The following LMLN variants were observed in gnomAD, a reference collection of about 807,000 sequenced individuals.
The protein encoded by LMLN is leishmanolysin like peptidase.
A neutral mutation model predicts 92.3 loss-of-function variants in LMLN; 70 were observed. That is an observed-to-expected ratio of 0.76 (90% CI 0.63 to 0.92). The LOEUF (loss-of-function observed/expected upper bound fraction) is 0.92, where lower values mean the gene tolerates loss of function less well. LMLN is among the 40% of genes least tolerant of loss of function. The pLI is 0.00. For synonymous variants in LMLN, 308 were observed against 296.2 expected (o/e 1.04, Z -0.41); for missense variants, 691 against 814.6 (o/e 0.85, Z 1.85).
At chr3:197,986,971 C>T (rs1376662170) in intron 8 of LMLN, among the ~76,000 whole-genome samples, 1 of 149,686 alleles carries the variant, frequency 6.7e-6, no homozygotes, top group African/African-American at 2.5e-5. Context: ...TCCCTAGTAG[C>T]TGGGACTACA....
chr3:198,035,928 G>C, exon 15 of LMLN: 1 of 1,613,976 alleles, frequency 6.2e-7, no homozygotes, highest in Non-Finnish European at 8.5e-7. Context: ...GTATCCAGAT[G>C]AATGGCTGGA....
At chr3:197,976,091 G>A (rs751233221) in exon 4 of LMLN, 23 of 1,604,050 alleles carry the variant, frequency 1.4e-5, no homozygotes, top group South Asian at 3.3e-5. Context: ...GTCGACCTGC[G>A]GGCACTATCT....
intron 14 of LMLN, among the ~76,000 whole-genome samples, chr3:198,033,935 A>G (rs1343105521): frequency 6.6e-6 from 1 of 152,228 alleles, no homozygotes; most frequent in Non-Finnish European, 1.5e-5. Context: ...ATATCTTAAA[A>G]CAAATGTTCA....
intron 1 of LMLN, among the ~76,000 whole-genome samples, chr3:197,972,416 T>C (rs1221536638): frequency 6.6e-6 from 1 of 152,190 alleles, no homozygotes; most frequent in Non-Finnish European, 1.5e-5. Context: ...GAATTTCCAT[T>C]TGGCTCTTTT....
At chr3:197,975,559 T>A (rs1447505915) in intron 3 of LMLN, among the ~76,000 whole-genome samples, 1 of 152,034 alleles carries the variant, frequency 6.6e-6, no homozygotes, top group Non-Finnish European at 1.5e-5. Context: ...ACAAAGCCAG[T>A]TCACTATGGG....
chr3:198,022,824 A>G (rs1722818358), intron 13 of LMLN, among the ~76,000 whole-genome samples: 1 of 152,198 alleles, frequency 6.6e-6, no homozygotes, highest in Non-Finnish European at 1.5e-5. Context: ...ATGCCCCTGC[A>G]CTCCAGCCTG....
At chr3:197,982,950 G>A (rs529104488) in intron 6 of LMLN, among the ~76,000 whole-genome samples, 6 of 152,286 alleles carry the variant, frequency 3.9e-5, no homozygotes, top group Admixed American at 2.0e-4. Context: ...GGACACTGTC[G>A]GAGGACAGGT....
At chr3:198,014,176 GCCT>G (rs1221710140) in intron 11 of LMLN, among the ~76,000 whole-genome samples, 4 of 148,270 alleles carry the variant, frequency 2.7e-5, no homozygotes, top group African/African-American at 1.0e-4. Context: ...ACCCTTCAGA[GCCT>G]CCTAACTAGT....
chr3:198,024,936 G>A (rs1189209749), intron 14 of LMLN, 148 bp downstream of exon 15: 1 of 564,010 alleles, frequency 1.8e-6, no homozygotes, highest in Non-Finnish European at 2.7e-6. Flanking sequence ...TAGTTTGGAT[G>A]CTTATGTTTT....
intron 14 of LMLN, among the ~76,000 whole-genome samples, chr3:198,027,718 A>T (rs1722972228): frequency 6.6e-6 from 1 of 152,200 alleles, no homozygotes; most frequent in Admixed American, 6.5e-5. Context: ...TTTATGTCTC[A>T]ATAACACTCC....
At chr3:198,038,748 C>T (rs948132638) in exon 16 of LMLN, 2 of 1,041,694 alleles carry the variant, frequency 1.9e-6, no homozygotes, top group Non-Finnish European at 3.0e-6. Context: ...GAGTGCCAAC[C>T]TATGCAGATG....
At chr3:198,001,402 G>A (rs940041592) in intron 11 of LMLN, among the ~76,000 whole-genome samples, 1 of 152,164 alleles carries the variant, frequency 6.6e-6, no homozygotes, top group African/African-American at 2.4e-5. Flanking sequence ...CCCACCTGAG[G>A]ATGGAATAAC....
chr3:197,984,641 G>T (rs950851628), intron 7 of LMLN, among the ~76,000 whole-genome samples: 46 of 151,258 alleles, frequency 3.0e-4, no homozygotes, highest in African/African-American at 1.1e-3. Context: ...TAGAGATAAG[G>T]TCTCGCTATG....
rs1011288729 is a variant in LMLN at position 198,025,398 on chromosome 3, A to G, written c.1656+610A>G. Among the ~76,000 whole-genome samples, 4 of 152,072 alleles carry G rather than the reference A, an allele frequency of 2.6e-5. No homozygotes were observed. The highest frequency in any genetic ancestry group is 5.9e-5 in the Non-Finnish European group (4 of 68,022). Reference sequence around the variant, plus strand: ...TTTTCTTTTTCTTTTTTTTGAGACAAGGTCTTGCTCTGTCAGCTAGGCTGG... The same window carrying G: ...TTTTCTTTTTCTTTTTTTTGAGACAGGGTCTTGCTCTGTCAGCTAGGCTGG... On this transcript the variant is annotated intron_variant, in intron 14 of 15. Coordinates refer to ENST00000330198, the Ensembl canonical transcript of LMLN. The surrounding 1 kb of genome is among the most constrained non-coding windows in gnomAD (Gnocchi z 4.3).
chr3:198,016,194 C>CAAAAAAAAAAAAAA (rs202075630), intron 11 of LMLN, among the ~76,000 whole-genome samples: 1 of 83,854 alleles, frequency 1.2e-5, no homozygotes, highest in Non-Finnish European at 2.4e-5. Flanking sequence ...GTTGCAAAAA[C>CAAAAAAAAAAAAAA]AAAAAAAAAA....
At chr3:197,970,929 T>C (rs907542874) in intron 1 of LMLN, among the ~76,000 whole-genome samples, 9 of 152,254 alleles carry the variant, frequency 5.9e-5, no homozygotes, top group African/African-American at 1.7e-4. Flanking sequence ...ATAACTTCTT[T>C]TAGCATTTCC....
At chr3:198,009,884 T>C (rs1010566998) in intron 11 of LMLN, among the ~76,000 whole-genome samples, 13 of 152,180 alleles carry the variant, frequency 8.5e-5, no homozygotes, top group African/African-American at 2.9e-4. Flanking sequence ...TATTTTGATA[T>C]AGGCATACAC....
In LMLN at chr3:198,042,608, A is replaced by C. The variant is rs1350527972; in HGVS notation, c.*3941A>C. 1 of 152,328 alleles carries C rather than the reference A, an allele frequency of 6.6e-6. No individual in the cohort carries two copies. Among genetic ancestry groups the C allele is most frequent in the Admixed American group, 6.5e-5 (1 of 15,286 alleles). The allele number at this position is 152,328 out of a possible 1,614,324, so 9.4% of individuals were successfully genotyped here. On this transcript the variant is annotated 3_prime_UTR_variant, in exon 16 of 16. Transcript: ENST00000330198. The surrounding 1 kb of genome is among the most constrained non-coding windows in gnomAD (Gnocchi z 4.2). ...CAGCTGTAGTGGAAGTGAGGGACAC[A>C]GGGAAGGAATGGGGAGCAGCAATTT...
chr3:198,030,896 G>A lies in LMLN; in HGVS notation c.1657-4937G>A, dbSNP rs1052601051. Among the ~76,000 whole-genome samples the A allele has an allele frequency of 2.6e-5, 4 of 151,910 alleles. No individual in the cohort carries two copies. In the East Asian group the frequency reaches 7.7e-4, roughly 29 times the overall value. ...GCGGGACTTCATCTCTGCCCTCAGGGTCTTCAGCTAGTTTCCACCGTGATG... is the reference window on the plus strand; with the variant it reads ...GCGGGACTTCATCTCTGCCCTCAGGATCTTCAGCTAGTTTCCACCGTGATG... On this transcript the variant is annotated intron_variant, in intron 14 of 15. Coordinates refer to ENST00000330198, the Ensembl canonical transcript of LMLN.
Sources: gnomAD v4.1 joint callset for allele counts (sites outside exome capture counted in the v4.1 genomes callset) on GRCh38, gnomAD v4.1.1 for gene constraint, Gnocchi (gnomAD v3.1) non-coding constraint, MANE v1.5 for transcripts, NCBI Gene and HGNC (gene_info 2026-07-23, HGNC 2026-07-21) for gene names.